Variants in PTPRE observed in about 807,000 individuals in gnomAD.
The protein encoded by PTPRE is receptor-type tyrosine-protein phosphatase epsilon.
Under a neutral mutation model 102.0 loss-of-function variants are expected in PTPRE, and 51 were observed. The observed-to-expected ratio is 0.50, with a 90% CI of 0.40 to 0.63. The LOEUF (loss-of-function observed/expected upper bound fraction) is 0.63, where lower values mean the gene tolerates loss of function less well. Among genes scored for constraint, PTPRE ranks in the 30% least tolerant of loss-of-function variants. The pLI is 0.00. For synonymous variants in PTPRE, 345 were observed against 348.2 expected (o/e 0.99, Z 0.10); for missense variants, 752 against 915.1 (o/e 0.82, Z 2.30).
At chr10:128,037,535 C>A (rs1348778956) in intron 2 of PTPRE, among the ~76,000 whole-genome samples, 4 of 152,188 alleles carry the variant, frequency 2.6e-5, no homozygotes, top group Non-Finnish European at 5.9e-5. Context: ...ATATTCTTTG[C>A]ATCTCTGGGG....
intron 2 of PTPRE, among the ~76,000 whole-genome samples, chr10:127,989,329 A>G (rs1852403516): frequency 1.3e-5 from 2 of 152,204 alleles, no homozygotes; most frequent in South Asian, 4.1e-4. Context: ...GTTTTTCCAG[A>G]TAACTTACAT....
intron 6 of PTPRE, among the ~76,000 whole-genome samples, chr10:128,055,848 G>A (rs1202605053): frequency 6.6e-6 from 1 of 152,194 alleles, no homozygotes; most frequent in Non-Finnish European, 1.5e-5. Context: ...GCAAGTCTCC[G>A]CCTTCATGCA....
chr10:127,972,417 C>G (rs1034079370), intron 1 of PTPRE, among the ~76,000 whole-genome samples: 1 of 152,208 alleles, frequency 6.6e-6, no homozygotes, highest in Non-Finnish European at 1.5e-5. Flanking sequence ...GAGGATCAGA[C>G]AGGATCCTGT....
Position 128,070,535 on chromosome 10 carries a change from T to G in PTPRE, c.1293+85T>G. The G allele has an allele frequency of 1.3e-6, 2 of 1,492,886 alleles. No individual in the cohort carries two copies. Among genetic ancestry groups the G allele is most frequent in the Non-Finnish European group, 1.8e-6 (2 of 1,109,818 alleles). 92.5% of individuals were successfully genotyped at this position (1,492,886 alleles called of 1,614,324 possible). On this transcript the variant is annotated intron_variant, in intron 14 of 20. Coordinates refer to ENST00000254667, the MANE Select transcript of PTPRE (RefSeq NM_006504.6). The surrounding 1 kb of genome is among the most constrained non-coding windows in gnomAD (Gnocchi z 4.8). ...CAGGTGACCATTTAAAGGAAGCCTC[T>G]TTCAATCACTTGCCCCTTAACTGAC...
chr10:128,072,527 C>A, intron 16 of PTPRE: 1 of 216,294 alleles, frequency 4.6e-6, no homozygotes, highest in Non-Finnish European at 9.2e-6. Context: ...TGGCAGGTGC[C>A]TGTAATCCCA....
At chr10:127,910,924 A>C (rs1845826975) in intron 1 of PTPRE, among the ~76,000 whole-genome samples, 1 of 152,122 alleles carries the variant, frequency 6.6e-6, no homozygotes, top group Non-Finnish European at 1.5e-5. Context: ...TACCAAAAAC[A>C]CAAAAAAATT....
At chr10:127,987,203 T>C in intron 2 of PTPRE, 1 of 556,900 alleles carries the variant, frequency 1.8e-6, no homozygotes, top group Non-Finnish European at 2.5e-6. Context: ...GCATGGGCGT[T>C]AATCAGTCAC....
intron 3 of PTPRE, 87 bp from the exon 4 acceptor site, chr10:128,047,303 G>T: frequency 6.7e-7 from 1 of 1,503,044 alleles, no homozygotes; most frequent in Non-Finnish European, 8.9e-7. Context: ...GGGTTCTGGT[G>T]TCCAGGAAGA....
chr10:128,074,437 G>A (rs1192322362), intron 17 of PTPRE, among the ~76,000 whole-genome samples: 1 of 152,142 alleles, frequency 6.6e-6, no homozygotes, highest in African/African-American at 2.4e-5. Context: ...AGTCCAAGGC[G>A]GGCAGATCAC....
chr10:128,082,390 T>C (rs1293522061), intron 20 of PTPRE, among the ~76,000 whole-genome samples: 2 of 151,694 alleles, frequency 1.3e-5, no homozygotes, highest in African/African-American at 2.4e-5. Flanking sequence ...TTTTGTATCT[T>C]TTTTGATAGA....
intron 1 of PTPRE, among the ~76,000 whole-genome samples, chr10:127,967,736 C>T (rs1353497992): frequency 1.3e-5 from 2 of 152,154 alleles, no homozygotes; most frequent in South Asian, 4.1e-4. Flanking sequence ...TGAGCCAGCA[C>T]CCAGATCAAG....
intron 3 of PTPRE, among the ~76,000 whole-genome samples, chr10:128,044,240 T>C (rs1343661462): frequency 6.6e-6 from 1 of 152,230 alleles, no homozygotes; most frequent in African/African-American, 2.4e-5. Flanking sequence ...ACACCTGTCC[T>C]TGAGTGAGCC....
chr10:128,010,007 A>C (rs557357146), intron 2 of PTPRE, among the ~76,000 whole-genome samples: 5 of 152,240 alleles, frequency 3.3e-5, no homozygotes, highest in Middle Eastern at 3.4e-3. Flanking sequence ...TCACAGGGGC[A>C]CGTGGTCACC....
At chr10:127,972,271 G>T (rs1006114115) in intron 1 of PTPRE, among the ~76,000 whole-genome samples, 1 of 152,192 alleles carries the variant, frequency 6.6e-6, no homozygotes, top group Non-Finnish European at 1.5e-5. Context: ...AGGGCCCAGG[G>T]TTTTCCTAAT....
chr10:127,960,607 A>G lies in PTPRE; in HGVS notation c.-30-21667A>G, dbSNP rs114003042. 2.1e-3 allele frequency among the ~76,000 whole-genome samples: 321 copies of G among 152,304 alleles called. 1 individual carries two copies. Among genetic ancestry groups the G allele is most frequent in the African/African-American group, 7.6e-3 (315 of 41,560 alleles). On this transcript the variant is annotated intron_variant, in intron 1 of 20. Transcript: ENST00000254667. ...GGCTGCTCCATCTTTCAACAGCCCC[A>G]GGAGTTGGTCTGAGTCATCTTGGAC...
chr10:128,020,640 GC>G (rs1232087614), intron 2 of PTPRE, among the ~76,000 whole-genome samples: 3 of 152,214 alleles, frequency 2.0e-5, no homozygotes, highest in African/African-American at 7.2e-5. Context: ...TCTCTGGGCA[GC>G]CCTGCTGGGA....
chr10:128,078,235 A>G (rs1310327204), intron 19 of PTPRE, among the ~76,000 whole-genome samples: 1 of 152,160 alleles, frequency 6.6e-6, no homozygotes, highest in Non-Finnish European at 1.5e-5. Flanking sequence ...CTGGGATTGT[A>G]GCCACGCTGG....
intron 1 of PTPRE, among the ~76,000 whole-genome samples, chr10:127,963,654 G>A (rs1461903531): frequency 1.3e-5 from 2 of 151,494 alleles, no homozygotes; most frequent in South Asian, 2.1e-4. Flanking sequence ...TGTTTCCTCC[G>A]ATCTCACCTG....
At chr10:128,060,378 C>T (rs182771684) in intron 7 of PTPRE, among the ~76,000 whole-genome samples, 533 of 152,352 alleles carry the variant, frequency 3.5e-3, no homozygotes, top group African/African-American at 0.011. Flanking sequence ...ACGCTCCTCA[C>T]TGTGCTCGCC....
Sources: allele counts gnomAD v4.1 joint callset (sites outside exome capture counted in the v4.1 genomes callset), GRCh38; gene constraint gnomAD v4.1.1; non-coding constraint Gnocchi (gnomAD v3.1); transcripts MANE v1.5; gene names NCBI Gene and HGNC (gene_info 2026-07-23, HGNC 2026-07-21).